Variants in ST3GAL3 observed in about 807,000 individuals in gnomAD.
ST3GAL3 encodes the protein ST3 beta-galactoside alpha-2,3-sialyltransferase 3, also known as CMP-N-acetylneuraminate-beta-1,4-galactoside alpha-2,3-sialyltransferase.
A neutral mutation model predicts 50.1 loss-of-function variants in ST3GAL3; 21 were observed. The observed-to-expected ratio is 0.42, with a 90% confidence interval of 0.30 to 0.60. The LOEUF (loss-of-function observed/expected upper bound fraction) is 0.60. ST3GAL3 is among the 20% of genes least tolerant of loss of function. The pLI is 0.19. For missense variants in ST3GAL3, 353 were observed against 489.4 expected (o/e 0.72, Z 2.63); for synonymous variants, 183 against 190.0 (o/e 0.96, Z 0.30).
At chr1:43,827,214 A>T (rs770215524) in intron 4 of ST3GAL3, among the ~76,000 whole-genome samples, 5 of 152,248 alleles carry the variant, frequency 3.3e-5, no homozygotes, top group Non-Finnish European at 5.9e-5. Context: ...TCTGGAACTA[A>T]TAAGCAATTA....
chr1:43,754,284 C>T (rs1248059147), intron 2 of ST3GAL3, among the ~76,000 whole-genome samples: 6 of 152,150 alleles, frequency 3.9e-5, no homozygotes, highest in Admixed American at 6.5e-5. Context: ...CCTCTGCCTC[C>T]TAGGTTCAAG....
At chr1:43,917,630 A>ATATT (rs2082247007) in intron 9 of ST3GAL3, among the ~76,000 whole-genome samples, 2 of 56,702 alleles carry the variant, frequency 3.5e-5, no homozygotes, top group African/African-American at 1.4e-4. Flanking sequence ...TATTATATAT[A>ATATT]ATATATAATA....
chr1:43,898,072 A>G (rs2077650960), intron 6 of ST3GAL3, 163 bp from the exon 7 acceptor site: 1 of 753,696 alleles, frequency 1.3e-6, no homozygotes, highest in South Asian at 1.5e-5. Flanking sequence ...TCTCAGGAAG[A>G]AAGTCAGGGC....
intron 9 of ST3GAL3, among the ~76,000 whole-genome samples, chr1:43,917,634 TATAATATAATATATA>T (rs1557540519): frequency 3.9e-5 from 3 of 76,526 alleles, no homozygotes; most frequent in African/African-American, 1.8e-4. Flanking sequence ...ATATATAATA[TATAATATAATATATA>T]ATATAATATA....
intron 2 of ST3GAL3, among the ~76,000 whole-genome samples, chr1:43,742,425 A>C (rs1404916753): frequency 1.3e-5 from 2 of 152,254 alleles, no homozygotes; most frequent in Admixed American, 6.5e-5. Context: ...ATGATGCATA[A>C]AATCAAGACC....
intron 4 of ST3GAL3, chr1:43,824,640 G>A: frequency 6.6e-7 from 1 of 1,515,334 alleles, no homozygotes; most frequent in Non-Finnish European, 9.2e-7. Context: ...ATGACATCTA[G>A]CATTTTTCAC....
At chr1:43,761,823 C>G (rs1331326756) in intron 2 of ST3GAL3, among the ~76,000 whole-genome samples, 3 of 151,168 alleles carry the variant, frequency 2.0e-5, no homozygotes. Context: ...TGGTGGTGGG[C>G]GCCTGTAGTC....
chr1:43,898,266 C>G lies in ST3GAL3; in HGVS notation c.429C>G (p.Thr143=). The G allele has an allele frequency of 6.2e-7, 1 of 1,613,896 alleles. No individual in the cohort carries two copies. Among genetic ancestry groups the G allele is most frequent in the Non-Finnish European group, 8.5e-7 (1 of 1,180,032 alleles). Residue 143 remains threonine (T), a synonymous_variant, in exon 7 of 12, where the codon ACC becomes ACG. Coordinates refer to ENST00000347631, the MANE Select transcript of ST3GAL3 (RefSeq NM_006279.5). ...DNLIKAILSV[T]KEYRLTPALD... is the part of the protein sequence containing the mutation. ...TGATCAAAGCCATCTTGTCAGTCAC[C>G]AAAGAGTACCGCCTGACCCCTGCCT...
chr1:43,824,691 A>G (rs561294037), intron 4 of ST3GAL3: 24 of 1,613,184 alleles, frequency 1.5e-5, no homozygotes, highest in Non-Finnish European at 1.8e-5. Context: ...ATCTTGAGCT[A>G]TGTGATCAAG....
At chr1:43,836,495 C>G (rs1176000759) in intron 4 of ST3GAL3, among the ~76,000 whole-genome samples, 2 of 152,228 alleles carry the variant, frequency 1.3e-5, no homozygotes, top group African/African-American at 4.8e-5. Context: ...TGTGGTGAAT[C>G]AGACATGACA....
intron 1 of ST3GAL3, among the ~76,000 whole-genome samples, chr1:43,734,127 G>T (rs1219526765): frequency 6.6e-6 from 1 of 151,730 alleles, no homozygotes; most frequent in Non-Finnish European, 1.5e-5. Flanking sequence ...TAAAAAAAAA[G>T]AACCTCCTTT....
intron 1 of ST3GAL3, among the ~76,000 whole-genome samples, chr1:43,722,146 G>C (rs1297917841): frequency 1.2e-4 from 18 of 152,180 alleles, no homozygotes; most frequent in Admixed American, 1.2e-3. Context: ...CTAAAGCCTG[G>C]AGACAGGTAA....
rs1053814080 is a variant in ST3GAL3 at position 43,930,261 on chromosome 1, A to G, written c.*40A>G. 8 of 1,585,358 alleles carry G rather than the reference A, an allele frequency of 5.0e-6. No individual in the cohort carries two copies. Among genetic ancestry groups the G allele is most frequent in the African/African-American group, 1.3e-5 (1 of 74,478 alleles). ...TGGCCATAGAGGCCCAGGCACCACC[A>G]GGAGCAGCAGCCAGCACCACCTACA... On this transcript the variant is annotated 3_prime_UTR_variant, in exon 12 of 12. Coordinates refer to ENST00000347631, the MANE Select transcript of ST3GAL3 (RefSeq NM_006279.5).
intron 1 of ST3GAL3, among the ~76,000 whole-genome samples, chr1:43,732,996 T>A (rs1571699265): frequency 1.5e-5 from 2 of 132,030 alleles, no homozygotes; most frequent in Admixed American, 1.5e-4. Flanking sequence ...TTTTTTTTTT[T>A]AAGAGACAGC....
At chr1:43,827,012 CT>C (rs1403584940) in intron 4 of ST3GAL3, among the ~76,000 whole-genome samples, 2 of 152,116 alleles carry the variant, frequency 1.3e-5, no homozygotes, top group African/African-American at 4.8e-5. Context: ...TTCTTTTCCC[CT>C]AAGATTGAGA....
intron 3 of ST3GAL3, among the ~76,000 whole-genome samples, chr1:43,813,203 A>C (rs1418959605): frequency 6.6e-6 from 1 of 152,044 alleles, no homozygotes; most frequent in Non-Finnish European, 1.5e-5. Context: ...TGTCTAAGGG[A>C]GTCTTAGCTC....
Position 43,869,765 on chromosome 1 carries a change from C to G in ST3GAL3, c.303-24618C>G, listed in dbSNP as rs539432030. On this transcript the variant is annotated intron_variant, in intron 5 of 11. Transcript: ENST00000347631. ...TCTTTGTTCTCCAATATAAACTGTT[C>G]GTTTCCTTTCTCTTTATCTTCCATA... Among the ~76,000 whole-genome samples, 4 of 152,278 alleles carry G rather than the reference C, an allele frequency of 2.6e-5. No individual in the cohort carries two copies. The South Asian group carries it at 6.2e-4, about 24-fold the overall frequency.
intron 3 of ST3GAL3, among the ~76,000 whole-genome samples, chr1:43,813,104 C>T (rs1430318554): frequency 1.3e-5 from 2 of 152,128 alleles, no homozygotes; most frequent in Non-Finnish European, 2.9e-5. Context: ...GTGTTATGCT[C>T]TTGCTTGGCC....
chr1:43,891,861 C>T (rs1045337247), intron 5 of ST3GAL3, among the ~76,000 whole-genome samples: 2 of 152,200 alleles, frequency 1.3e-5, no homozygotes, highest in Non-Finnish European at 2.9e-5. Flanking sequence ...TGGATCTAGG[C>T]GGTGATCCTC....
Sources: allele counts gnomAD v4.1 joint callset (sites outside exome capture counted in the v4.1 genomes callset), GRCh38; gene constraint gnomAD v4.1.1; transcripts MANE v1.5; gene names NCBI Gene and HGNC (gene_info 2026-07-23, HGNC 2026-07-21).